Variants in KIF6 observed in about 807,000 individuals in gnomAD.
KIF6 encodes kinesin-like protein KIF6.
In KIF6, 106 loss-of-function variants were observed where a neutral mutation model predicts 112.7. That is an observed-to-expected ratio of 0.94 (90% CI 0.80 to 1.11). KIF6 has a LOEUF of 1.11. Among genes scored for constraint, KIF6 ranks in the 50% least tolerant of loss-of-function variants. The pLI, the probability that KIF6 is intolerant of heterozygous loss-of-function variation, is 0.00. For missense variants in KIF6, 929 were observed against 964.0 expected, an observed-to-expected ratio of 0.96 and a Z score of 0.48; for synonymous variants, 339 against 339.9, an observed-to-expected ratio of 1.00 and a Z score of 0.03.
At chr6:39,462,249 A>G (rs571457990) in intron 13 of KIF6, among the ~76,000 whole-genome samples, 1 of 152,340 alleles carries the variant, frequency 6.6e-6, no homozygotes, top group East Asian at 1.9e-4. Context: ...GACAAACTCA[A>G]GAGGAGAACT....
chr6:39,445,774 T>C (rs1772271267), intron 13 of KIF6, among the ~76,000 whole-genome samples: 1 of 152,216 alleles, frequency 6.6e-6, no homozygotes, highest in Non-Finnish European at 1.5e-5. Flanking sequence ...AGTGTTATTC[T>C]GCACAGGAAA....
At position 39,648,926 on chromosome 6, in the gene KIF6, G is replaced by A. The variant is rs144478615; in HGVS notation, c.252-9169C>T. On this transcript the variant is annotated intron_variant, in intron 3 of 22. Coordinates refer to ENST00000287152, the MANE Select transcript of KIF6 (RefSeq NM_145027.6). ...GCTTATGCCTGTAATCCTAGCACAG[G>A]AGGCAGATGGATTGCTTCAGCCCAG... Among the ~76,000 whole-genome samples the A allele has an allele frequency of 2.9e-3, 438 of 151,734 alleles. 2 individuals carry two copies. The highest frequency in any genetic ancestry group is 6.2e-3 in the Admixed American group (94 of 15,244).
At chr6:39,606,603 C>T (rs1453116434) in intron 6 of KIF6, among the ~76,000 whole-genome samples, 1 of 152,068 alleles carries the variant, frequency 6.6e-6, no homozygotes, top group African/African-American at 2.4e-5. Flanking sequence ...ATAAACTTTC[C>T]TCAATATTTC....
intron 2 of KIF6, 109 bp downstream of exon 2, chr6:39,720,593 G>C: frequency 1.5e-6 from 1 of 658,882 alleles, no homozygotes; most frequent in Non-Finnish European, 2.7e-6. Flanking sequence ...GAGCTGCGTT[G>C]CATTTTCCAC....
At chr6:39,337,541 G>GCTGTTCCATGAATCCTAAATCA (rs1208371213) in intron 22 of KIF6, among the ~76,000 whole-genome samples, 7 of 152,018 alleles carry the variant, frequency 4.6e-5, no homozygotes, top group African/African-American at 7.2e-5. Flanking sequence ...TCAAATTCCT[G>GCTGTTCCATGAATCCTAAATCA]AGCTTAAGTG....
chr6:39,555,322 G>A (rs1234658542), intron 10 of KIF6, among the ~76,000 whole-genome samples: 1 of 152,198 alleles, frequency 6.6e-6, no homozygotes, highest in Middle Eastern at 3.4e-3. Flanking sequence ...TCCTGCTCCA[G>A]CCATGCCCCT....
intron 4 of KIF6, among the ~76,000 whole-genome samples, chr6:39,638,113 T>C (rs1784721594): frequency 6.6e-6 from 1 of 152,108 alleles, no homozygotes; most frequent in Non-Finnish European, 1.5e-5. Context: ...AAGGGTTCTC[T>C]GAAATTGGTC....
chr6:39,339,022 C>G lies in KIF6; in HGVS notation c.2429-2474G>C, dbSNP rs115636902. Among the ~76,000 whole-genome samples, 1,091 of 152,176 alleles carry G rather than the reference C, an allele frequency of 7.2e-3. 15 individuals are homozygous for G. Among genetic ancestry groups the G allele is most frequent in the African/African-American group, 0.025 (1,033 of 41,500 alleles). On this transcript the variant is annotated intron_variant, in intron 22 of 22. Transcript: ENST00000287152. The stretch of plus-strand genomic sequence containing the variant: ...GCACGCTCTGCCCCAAGACATAGCT[C>G]CTTACATGCACAGACCTCAACACAA...
chr6:39,454,567 G>A (rs1399559262), intron 13 of KIF6, among the ~76,000 whole-genome samples: 1 of 149,510 alleles, frequency 6.7e-6, no homozygotes, highest in Non-Finnish European at 1.5e-5. Context: ...GAGCGTGAGC[G>A]ACGCAGAAGA....
At chr6:39,581,369 T>C (rs1168214829) in intron 9 of KIF6, among the ~76,000 whole-genome samples, 6 of 151,864 alleles carry the variant, frequency 4.0e-5, no homozygotes, top group Admixed American at 3.9e-4. Context: ...GGTGTCACCA[T>C]GTTGGCCATG....
chr6:39,694,228 A>C (rs1582465738), intron 3 of KIF6, among the ~76,000 whole-genome samples: 1 of 152,204 alleles, frequency 6.6e-6, no homozygotes, highest in Non-Finnish European at 1.5e-5. Context: ...AATGGGCAAA[A>C]GGTGGAAGCA....
chr6:39,632,609 T>C (rs1784417851), intron 5 of KIF6, among the ~76,000 whole-genome samples: 1 of 151,970 alleles, frequency 6.6e-6, no homozygotes. Context: ...AAATTCATTA[T>C]AAATAATTAT....
rs151131199 is a variant in KIF6, at chr6:39,341,454, A to T, written c.2428+2255T>A. ...CCTCTCTCTCCGCAACTGTTGGAGA[A>T]CCCCAGGGGGCTGTTCTCAGCAATT... On this transcript the variant is annotated intron_variant, in intron 22 of 22. Transcript: ENST00000287152. Among the ~76,000 whole-genome samples the T allele has an allele frequency of 6.9e-3, 1,051 of 152,138 alleles. 17 individuals carry two copies. Among genetic ancestry groups the T allele is most frequent in the African/African-American group, 0.024 (988 of 41,530 alleles).
intron 7 of KIF6, among the ~76,000 whole-genome samples, chr6:39,586,618 T>C (rs1015228253): frequency 6.6e-6 from 1 of 152,218 alleles, no homozygotes; most frequent in African/African-American, 2.4e-5. Flanking sequence ...AACTGTAGCA[T>C]TGTGAGCCCC....
At chr6:39,633,457 G>A (rs1784460813) in intron 5 of KIF6, among the ~76,000 whole-genome samples, 1 of 152,150 alleles carries the variant, frequency 6.6e-6, no homozygotes, top group African/African-American at 2.4e-5. Flanking sequence ...TAAAATGTGG[G>A]CATTGGATTA....
At chr6:39,579,447 G>C (rs1269808165) in intron 9 of KIF6, among the ~76,000 whole-genome samples, 1 of 151,734 alleles carries the variant, frequency 6.6e-6, no homozygotes, top group Non-Finnish European at 1.5e-5. Flanking sequence ...TATTGATTTG[G>C]TAGCTTCTTT....
rs1268472777 is a variant in KIF6 at position 39,457,585 on chromosome 6, G to T, written c.1646-26424C>A. Among the ~76,000 whole-genome samples the T allele has an allele frequency of 3.3e-5, 5 of 151,978 alleles. No homozygotes were observed. The East Asian group carries it at 9.7e-4, about 29-fold the overall frequency. ...CAAAAAATCAATGAATCCAGGAGCT[G>T]GTTTTTTGAAAGGATCAACAAAATT... On this transcript the variant is annotated intron_variant, in intron 13 of 22. Transcript: ENST00000287152.
rs1409566541 is a variant in KIF6, at chr6:39,343,088, AAG to A, written c.2428+619_2428+620del. On this transcript the variant is annotated intron_variant, in intron 22 of 22. Coordinates refer to ENST00000287152, the MANE Select transcript of KIF6 (RefSeq NM_145027.6). This position sits in a 1 kb window ranked among gnomAD's most constrained non-coding sequence, Gnocchi z 4.1. ...GGGTGTGTTGGGGATGGAAGGCAGA[AAG>A]AGAAAAGGCCCAGCCACAGCAGATG... The A allele has an allele frequency of 1.0e-6, 1 of 985,248 alleles. No homozygotes were observed. The highest frequency in any genetic ancestry group is 1.7e-5 in the African/African-American group (1 of 57,216). 61.0% of individuals were successfully genotyped at this position (985,248 alleles called of 1,614,324 possible).
chr6:39,354,025 C>T (rs192965987), intron 19 of KIF6: 39 of 356,388 alleles, frequency 1.1e-4, no homozygotes, highest in Admixed American at 8.2e-4. Flanking sequence ...TGATAGATGA[C>T]GATGGCAATG....
Sources: allele counts gnomAD v4.1 joint callset (sites outside exome capture counted in the v4.1 genomes callset), GRCh38; gene constraint gnomAD v4.1.1; non-coding constraint Gnocchi (gnomAD v3.1); transcripts MANE v1.5; gene names NCBI Gene and HGNC (gene_info 2026-07-23, HGNC 2026-07-21).